VIRMA: variants seen among roughly 807,000 people sequenced by gnomAD.
VIRMA encodes the protein vir like m6A methyltransferase associated.
A neutral mutation model predicts 182.4 loss-of-function variants in VIRMA; 65 were observed. The ratio of observed to expected loss-of-function variants is 0.36; its 90% CI spans 0.29 to 0.44. The LOEUF (loss-of-function observed/expected upper bound fraction) is 0.44, where lower values mean the gene tolerates loss of function less well. Among genes scored for constraint, VIRMA ranks in the 20% least tolerant of loss-of-function variants. The pLI, the probability that VIRMA is intolerant of heterozygous loss-of-function variation, is 1.00. For missense variants in VIRMA, 1,752 were observed against 2,158.1 expected (o/e 0.81, Z 3.73); for synonymous variants, 709 against 743.1 (o/e 0.95, Z 0.75).
At chr8:94,515,973 T>C (rs1403899389) in intron 10 of VIRMA, among the ~76,000 whole-genome samples, 1 of 151,756 alleles carries the variant, frequency 6.6e-6, no homozygotes. Flanking sequence ...CTGGGCATGG[T>C]AGCACGCACC....
In VIRMA at chr8:94,509,679, T is replaced by G; in HGVS notation, c.3879+9A>C. On this transcript the variant is annotated intron_variant, in intron 15 of 23. Coordinates refer to ENST00000297591, the MANE Select transcript of VIRMA (RefSeq NM_015496.5). ...GCAGAGAGAGACTTTATAAAATAAC[T>G]ATAAATACCTGATCACAGAGAGACT... The G allele has an allele frequency of 1.2e-6, 2 of 1,602,384 alleles. No homozygotes were observed.
Position 94,488,794 on chromosome 8 carries a change from C to G in VIRMA, c.5351G>C (p.Ser1784Thr). Reference protein sequence around the residue: ...GRGGLGPSWASANSGSGGSRG... With the variant: ...GRGGLGPSWATANSGSGGSRG... The stretch of plus-strand genomic sequence containing the variant: ...TGAGCCTCCACTGCCGCTATTTGCA[C>G]TAGCCCAGGAAGGTCCAAGTCCCCC... The change falls in exon 24 of 24, where the codon AGT becomes ACT. Residue 1784 changes from serine to threonine, a missense_variant. Coordinates refer to ENST00000297591, the MANE Select transcript of VIRMA (RefSeq NM_015496.5). The G allele has an allele frequency of 6.2e-7, 1 of 1,614,228 alleles. No homozygotes were observed. Among genetic ancestry groups the G allele is most frequent in the Non-Finnish European group, 8.5e-7 (1 of 1,180,036 alleles).
intron 8 of VIRMA, among the ~76,000 whole-genome samples, chr8:94,525,690 T>C (rs1456012380): frequency 6.6e-6 from 1 of 152,100 alleles, no homozygotes; most frequent in Non-Finnish European, 1.5e-5. Context: ...CAAAACAAAA[T>C]AAAAAATCTA....
rs1814164695 is a variant in VIRMA at position 94,506,721 on chromosome 8, T to C, written c.3880-4A>G. 1 of 1,593,098 alleles carries C rather than the reference T, an allele frequency of 6.3e-7. No individual in the cohort carries two copies. Among genetic ancestry groups the C allele is most frequent in the Non-Finnish European group, 8.6e-7 (1 of 1,168,130 alleles). On this transcript the variant is annotated splice_region_variant and splice_polypyrimidine_tract_variant and intron_variant, in intron 15 of 23. Transcript: ENST00000297591. ...TTGGTAAGATAAGTGCAATGTCCTGTGGGGAGCAGGGAAAAAAAAATCGAT... is the reference window on the plus strand; with the variant it reads ...TTGGTAAGATAAGTGCAATGTCCTGCGGGGAGCAGGGAAAAAAAAATCGAT...
At position 94,527,112 on chromosome 8, in the gene VIRMA, C is replaced by A. The variant is rs751047827; in HGVS notation, c.1132G>T (p.Ala378Ser). 2 of 1,614,114 alleles carry A rather than the reference C, an allele frequency of 1.2e-6. No homozygotes were observed. Among genetic ancestry groups the A allele is most frequent in the Non-Finnish European group, 1.7e-6 (2 of 1,180,020 alleles). The stretch of plus-strand genomic sequence containing the variant: ...GTTAACTTCACTGAGGCTTCGATTG[C>A]CCCTGAATTTTCTTTATCTGGACCT... ...DQGPDKENSG[A>S]IEASVKLTEL... The change falls in exon 8 of 24, where the codon GCA (alanine) becomes TCA (serine). Residue 378 changes from alanine to serine, a missense_variant. By Grantham distance (99) the Ala-to-Ser change is moderately conservative (BLOSUM62 1). Transcript: ENST00000297591.
At chr8:94,511,798 A>G in intron 12 of VIRMA, 69 bp from the exon 13 acceptor site, 2 of 910,256 alleles carry the variant, frequency 2.2e-6, no homozygotes, top group Middle Eastern at 3.6e-4. Context: ...AAGAATTATT[A>G]AAGTGAATAT....
intron 21 of VIRMA, among the ~76,000 whole-genome samples, chr8:94,492,446 G>GTTAATTTTT (rs1401516967): frequency 0.022 from 3,358 of 151,654 alleles, 111 homozygotes; most frequent in African/African-American, 0.077. Context: ...ACCACGACCA[G>GTTAATTTTT]CTAATTTTTT....
chr8:94,552,801 C>T (rs1009622748), intron 1 of VIRMA, among the ~76,000 whole-genome samples: 3 of 152,138 alleles, frequency 2.0e-5, no homozygotes, highest in African/African-American at 7.2e-5. Flanking sequence ...CTCCCCTCTT[C>T]GCAAGTATTC....
chr8:94,522,662 T>C (rs1227775998), intron 8 of VIRMA, among the ~76,000 whole-genome samples: 1 of 152,212 alleles, frequency 6.6e-6, no homozygotes, highest in East Asian at 1.9e-4. Context: ...GTCCTAGTAC[T>C]ATTATATAAT....
chr8:94,496,034 T>A, intron 18 of VIRMA, 143 bp from the exon 19 acceptor site: 2 of 713,246 alleles, frequency 2.8e-6, no homozygotes, highest in Non-Finnish European at 4.4e-6. Context: ...TTAAACACAT[T>A]AAAATAAAAC....
chr8:94,512,429 A>G (rs1814411443), intron 11 of VIRMA: 1 of 153,546 alleles, frequency 6.5e-6, no homozygotes, highest in South Asian at 2.1e-4. Flanking sequence ...TACTTTCTAT[A>G]TACTCTTTTC....
chr8:94,516,203 A>C (rs1814557489), intron 10 of VIRMA, among the ~76,000 whole-genome samples: 1 of 152,178 alleles, frequency 6.6e-6, no homozygotes, highest in Non-Finnish European at 1.5e-5. Flanking sequence ...ACACCCACCC[A>C]AAAAAAGTAT....
At chr8:94,507,682 A>G (rs1025983135) in intron 15 of VIRMA, among the ~76,000 whole-genome samples, 4 of 151,894 alleles carry the variant, frequency 2.6e-5, no homozygotes, top group Non-Finnish European at 4.4e-5. Context: ...TGAACCCAGG[A>G]GGCGGAGGTT....
chr8:94,520,109 G>C (rs543010294), intron 8 of VIRMA, among the ~76,000 whole-genome samples: 3 of 150,584 alleles, frequency 2.0e-5, no homozygotes, highest in Non-Finnish European at 4.4e-5. Context: ...TACTGAAGAG[G>C]CTGAGCCCAG....
intron 1 of VIRMA, among the ~76,000 whole-genome samples, chr8:94,545,085 C>T (rs965789464): frequency 3.3e-5 from 5 of 151,870 alleles, no homozygotes; most frequent in African/African-American, 1.2e-4. Context: ...ATGATATGAT[C>T]GCCTCACTGC....
intron 5 of VIRMA, among the ~76,000 whole-genome samples, chr8:94,531,986 A>G (rs868214155): frequency 3.3e-5 from 5 of 152,244 alleles, no homozygotes; most frequent in African/African-American, 1.2e-4. Context: ...AACTATAGAA[A>G]TGGTGAACAG....
chr8:94,496,765 A>G (rs1813796119), intron 17 of VIRMA: 2 of 273,102 alleles, frequency 7.3e-6, no homozygotes, highest in African/African-American at 2.2e-5. Context: ...AGGACGTGAC[A>G]CACTGATTGA....
intron 16 of VIRMA, among the ~76,000 whole-genome samples, chr8:94,502,466 ATAAAT>A (rs1337707994): frequency 6.6e-6 from 1 of 151,576 alleles, no homozygotes; most frequent in African/African-American, 2.4e-5. Context: ...TAATATTTAA[ATAAAT>A]TAATTTTAAA....
chr8:94,523,744 T>C (rs1814856302), intron 8 of VIRMA, among the ~76,000 whole-genome samples: 1 of 151,752 alleles, frequency 6.6e-6, no homozygotes, highest in Non-Finnish European at 1.5e-5. Flanking sequence ...TTCTCCTGCC[T>C]CAGCCTCCCG....
Sources: gnomAD v4.1 joint callset for allele counts (sites outside exome capture counted in the v4.1 genomes callset) on GRCh38, gnomAD v4.1.1 for gene constraint, MANE v1.5 for transcripts, NCBI Gene and HGNC (gene_info 2026-07-23, HGNC 2026-07-21) for gene names.